The following FAM13C variants were observed in gnomAD, a reference collection of about 807,000 sequenced individuals.
The protein encoded by FAM13C is family with sequence similarity 13 member C, also known as protein FAM13C.
A neutral mutation model predicts 73.2 loss-of-function variants in FAM13C; 37 were observed. That is an observed-to-expected ratio of 0.51 (90% CI 0.39 to 0.67). The LOEUF (loss-of-function observed/expected upper bound fraction) is 0.67. Among genes scored for constraint, FAM13C ranks in the 30% least tolerant of loss-of-function variants. The pLI is 0.00. For missense variants in FAM13C, 589 were observed against 715.6 expected (o/e 0.82, Z 2.02); for synonymous variants, 246 against 260.9 (o/e 0.94, Z 0.55).
chr10:59,330,296 G>C (rs1357364962), intron 3 of FAM13C, among the ~76,000 whole-genome samples: 2 of 152,082 alleles, frequency 1.3e-5, no homozygotes, highest in Admixed American at 1.3e-4. Flanking sequence ...CCCAAACCCA[G>C]AGTTCTTTCC....
intron 9 of FAM13C, among the ~76,000 whole-genome samples, chr10:59,263,617 C>T (rs181803064): frequency 4.9e-4 from 74 of 152,232 alleles, no homozygotes; most frequent in African/African-American, 1.7e-3. Context: ...CAGAGAAAGA[C>T]AGAAAAAGAA....
chr10:59,283,149 C>T (rs1157134030), intron 6 of FAM13C, among the ~76,000 whole-genome samples: 1 of 152,152 alleles, frequency 6.6e-6, no homozygotes, highest in Non-Finnish European at 1.5e-5. Context: ...GTAAGTGTGA[C>T]TCTTGGCCGC....
chr10:59,248,402 C>G (rs1413535597), intron 13 of FAM13C, among the ~76,000 whole-genome samples: 1 of 152,132 alleles, frequency 6.6e-6, no homozygotes, highest in Non-Finnish European at 1.5e-5. Context: ...GATTTTTATA[C>G]ATATGCAGCA....
intron 6 of FAM13C, among the ~76,000 whole-genome samples, chr10:59,283,020 T>A (rs1458279965): frequency 2.0e-5 from 3 of 152,128 alleles, no homozygotes; most frequent in African/African-American, 7.2e-5. Context: ...GCACAGGTTA[T>A]CTAGGTCCAG....
chr10:59,352,588 G>A, intron 2 of FAM13C, 114 bp from the exon 3 acceptor site: 2 of 1,170,106 alleles, frequency 1.7e-6, no homozygotes, highest in Non-Finnish European at 1.2e-6. Context: ...TAGACACCTC[G>A]CAAAATTTTT....
At chr10:59,319,398 T>C (rs923410114) in intron 4 of FAM13C, among the ~76,000 whole-genome samples, 7 of 152,244 alleles carry the variant, frequency 4.6e-5, no homozygotes, top group African/African-American at 1.4e-4. Flanking sequence ...AACTCCTGTT[T>C]ACACAGACAA....
chr10:59,312,301 G>A (rs1389931171), intron 4 of FAM13C, among the ~76,000 whole-genome samples: 2 of 152,062 alleles, frequency 1.3e-5, no homozygotes, highest in Non-Finnish European at 2.9e-5. Flanking sequence ...ATTTGAGTAG[G>A]CATTAATATT....
chr10:59,305,667 C>T (rs1848169078), intron 4 of FAM13C, among the ~76,000 whole-genome samples: 2 of 152,110 alleles, frequency 1.3e-5, no homozygotes, highest in African/African-American at 4.8e-5. Flanking sequence ...ACTGTGCAAA[C>T]AATTTCTAAT....
At position 59,262,776 on chromosome 10, in the gene FAM13C, G is replaced by A. The variant is rs967710269; in HGVS notation, c.1025-131C>T. On this transcript the variant is annotated intron_variant, in intron 9 of 13. Coordinates refer to ENST00000618804, the MANE Select transcript of FAM13C (RefSeq NM_198215.4). ...AACACTAATGATGGCTTTCCACAGG[G>A]CAACGGCAACCCTTATAACCAGAGC... 5.6e-6 allele frequency: 4 copies of A among 715,678 alleles called. No homozygotes were observed. The East Asian group carries it at 8.1e-5, about 14-fold the overall frequency. 44.3% of individuals were successfully genotyped at this position (715,678 alleles called of 1,614,324 possible).
At position 59,310,297 on chromosome 10, in the gene FAM13C, CT is replaced by C. The variant is rs1848769012; in HGVS notation, c.444-7434del. On this transcript the variant is annotated intron_variant, in intron 4 of 13. Transcript: ENST00000618804. ...GCTGTATGACTGGTGTTTCCTGAAA[CT>C]CTTTTGAAAACAAAAGGTATATCCC... Among the ~76,000 whole-genome samples, 4 of 152,158 alleles carry C rather than the reference CT, an allele frequency of 2.6e-5. No homozygotes were observed. The East Asian group carries it at 7.7e-4, about 29-fold the overall frequency.
chr10:59,362,568 C>T (rs1747664936), upstream of FAM13C: 1 of 1,547,610 alleles, frequency 6.5e-7, no homozygotes, highest in Admixed American at 2.0e-5. Context: ...CCGGCACGCT[C>T]GCTCTACCTT....
At chr10:59,359,530 G>T (rs111928462) in intron 1 of FAM13C, among the ~76,000 whole-genome samples, 13 of 152,302 alleles carry the variant, frequency 8.5e-5, no homozygotes, top group Admixed American at 3.3e-4. Context: ...GCCTCCTGTG[G>T]GCTTTCTCAA....
At chr10:59,323,897 G>T in intron 4 of FAM13C, 91 bp downstream of exon 4, 2 of 1,108,658 alleles carry the variant, frequency 1.8e-6, no homozygotes, top group Non-Finnish European at 2.8e-6. Context: ...AAGTCAGAAA[G>T]CCTTGCCTCT....
intron 1 of FAM13C, among the ~76,000 whole-genome samples, chr10:59,356,804 G>A (rs1044566477): frequency 1.3e-5 from 2 of 152,206 alleles, no homozygotes; most frequent in African/African-American, 4.8e-5. Flanking sequence ...ATTTGAGTCA[G>A]TGGACTGGGA....
At chr10:59,316,302 C>T (rs1849522443) in intron 4 of FAM13C, among the ~76,000 whole-genome samples, 1 of 152,152 alleles carries the variant, frequency 6.6e-6, no homozygotes, top group South Asian at 2.1e-4. Context: ...GCCTAGACAA[C>T]TTTGACTTTT....
intron 3 of FAM13C, among the ~76,000 whole-genome samples, chr10:59,343,087 T>C (rs1323823590): frequency 6.6e-6 from 1 of 152,246 alleles, no homozygotes; most frequent in East Asian, 1.9e-4. Flanking sequence ...TCAGCTGGCA[T>C]AACCCAAAAT....
chr10:59,302,444 T>A (rs1159618566), intron 5 of FAM13C, among the ~76,000 whole-genome samples: 1 of 152,176 alleles, frequency 6.6e-6, no homozygotes, highest in Non-Finnish European at 1.5e-5. Context: ...CAGAAGCTGT[T>A]AGGAAAAACA....
At chr10:59,254,708 T>C (rs1232709597) in intron 10 of FAM13C, among the ~76,000 whole-genome samples, 1 of 151,936 alleles carries the variant, frequency 6.6e-6, no homozygotes. Context: ...GTTCAAGCGA[T>C]TCTCTTGCCT....
Position 59,253,024 on chromosome 10 carries a change from G to T in FAM13C, c.1333-26C>A, listed in dbSNP as rs776676051. On this transcript the variant is annotated intron_variant, in intron 11 of 13. Transcript: ENST00000618804. Reference sequence around the variant, plus strand: ...CTTATCACAGGCAGAGTTAAAGAAAGAAAGTCATGTAATGCTCAGTGCCTC... The same window carrying T: ...CTTATCACAGGCAGAGTTAAAGAAATAAAGTCATGTAATGCTCAGTGCCTC... 3 of 1,610,904 alleles carry T rather than the reference G, an allele frequency of 1.9e-6. No homozygotes were observed. In the East Asian group the frequency reaches 6.7e-5, roughly 36 times the overall value.
Sources: gnomAD v4.1 joint callset for allele counts (sites outside exome capture counted in the v4.1 genomes callset) on GRCh38, gnomAD v4.1.1 for gene constraint, MANE v1.5 for transcripts, NCBI Gene and HGNC (gene_info 2026-07-23, HGNC 2026-07-21) for gene names.